RBFOX3: variants seen among roughly 807,000 people sequenced by gnomAD.
The protein encoded by RBFOX3 is RNA binding fox-1 homolog 3.
In RBFOX3, 17 loss-of-function variants were observed where a neutral mutation model predicts 48.7. The observed-to-expected ratio is 0.35, with a 90% CI of 0.24 to 0.52. The LOEUF (loss-of-function observed/expected upper bound fraction) is 0.52, where lower values mean the gene tolerates loss of function less well. RBFOX3 is among the 20% of genes least tolerant of loss of function. The probability of loss-of-function intolerance (pLI) is 0.94; values close to 1 mark genes in which losing one functional copy is unlikely to be tolerated. For synonymous variants in RBFOX3, 212 were observed against 209.5 expected (o/e 1.01, Z -0.10); for missense variants, 382 against 497.5 (o/e 0.77, Z 2.21).
At chr17:79,549,513 C>T (rs911965187) in intron 1 of RBFOX3, among the ~76,000 whole-genome samples, 1 of 152,216 alleles carries the variant, frequency 6.6e-6, no homozygotes. Flanking sequence ...GTTAGAGAAC[C>T]AAAAACATCT....
chr17:79,404,077 C>T (rs1021064721), intron 2 of RBFOX3, among the ~76,000 whole-genome samples: 1 of 152,188 alleles, frequency 6.6e-6, no homozygotes. Flanking sequence ...CACACCCGGC[C>T]CAGGATGTTC....
rs1335438511 is a variant in RBFOX3, at chr17:79,198,216, C to A, written c.-34+37550G>T. 6.6e-6 allele frequency among the ~76,000 whole-genome samples: 1 copy of A among 152,158 alleles called. No homozygotes were observed. The highest frequency in any genetic ancestry group is 1.5e-5 in the Non-Finnish European group (1 of 68,038). On this transcript the variant is annotated intron_variant, in intron 4 of 14. Coordinates refer to ENST00000693108, the MANE Select transcript of RBFOX3 (RefSeq NM_001350451.2). The surrounding 1 kb of genome is among the most constrained non-coding windows in gnomAD (Gnocchi z 8.2). ...GACCATCCTCAACACTGGACCAGACCAGAAGGGGAAATCATGGGTGACAAC... is the reference window on the plus strand; with the variant it reads ...GACCATCCTCAACACTGGACCAGACAAGAAGGGGAAATCATGGGTGACAAC...
intron 2 of RBFOX3, among the ~76,000 whole-genome samples, chr17:79,385,326 A>C (rs2060423943): frequency 6.6e-6 from 1 of 152,216 alleles, no homozygotes; most frequent in African/African-American, 2.4e-5. Flanking sequence ...GTCCACTACC[A>C]GCCATGGGAA....
chr17:79,467,129 C>T (rs1460943880), intron 2 of RBFOX3, among the ~76,000 whole-genome samples: 1 of 152,220 alleles, frequency 6.6e-6, no homozygotes, highest in African/African-American at 2.4e-5. Flanking sequence ...GGTGGCATCA[C>T]CTGCCAGGTC....
chr17:79,569,252 C>CA (rs1215263454), intron 1 of RBFOX3, among the ~76,000 whole-genome samples: 1 of 152,146 alleles, frequency 6.6e-6, no homozygotes, highest in Non-Finnish European at 1.5e-5. Context: ...CCACTCCCCC[C>CA]AAGCCCTGGC....
intron 4 of RBFOX3, among the ~76,000 whole-genome samples, chr17:79,208,079 G>A (rs140438121): frequency 5.7e-4 from 86 of 152,086 alleles, no homozygotes; most frequent in East Asian, 5.6e-3. Context: ...TTCTTCCTGC[G>A]TCTGGAGGGA....
chr17:79,303,851 C>CTCTGTGTGTGTG (rs1555657051), intron 3 of RBFOX3, among the ~76,000 whole-genome samples: 41 of 147,780 alleles, frequency 2.8e-4, no homozygotes, highest in African/African-American at 9.9e-4. Flanking sequence ...GCATGTCTGC[C>CTCTGTGTGTGTG]TGTGTGTGTG....
chr17:79,628,361 T>C, the RBFOX3 span, among the ~76,000 whole-genome samples: 15 of 152,138 alleles, frequency 9.9e-5, no homozygotes, highest in Non-Finnish European at 1.8e-4. Flanking sequence ...CTCCCCTGGA[T>C]TGTGGGACAC....
chr17:79,420,227 A>C (rs1347858333), intron 2 of RBFOX3, among the ~76,000 whole-genome samples: 1 of 152,014 alleles, frequency 6.6e-6, no homozygotes, highest in African/African-American at 2.4e-5. Flanking sequence ...TGTTTAAAAA[A>C]CACAAATTGG....
chr17:79,118,966 C>A (rs1795954), intron 4 of RBFOX3, among the ~76,000 whole-genome samples: 84,902 of 145,094 alleles, frequency 0.59, 25,267 homozygotes, highest in African/African-American at 0.7. Context: ...ACAGAGGAAA[C>A]CCCTGTCTCA....
intron 2 of RBFOX3, among the ~76,000 whole-genome samples, chr17:79,327,207 G>C (rs777957782): frequency 6.6e-6 from 1 of 152,068 alleles, no homozygotes; most frequent in Admixed American, 6.5e-5. Context: ...CCCTTCCCTC[G>C]AATCACTACC....
chr17:79,210,477 G>A (rs1232151859), intron 4 of RBFOX3, among the ~76,000 whole-genome samples: 1 of 152,188 alleles, frequency 6.6e-6, no homozygotes, highest in Non-Finnish European at 1.5e-5. Context: ...ATCCCATCGA[G>A]TGCCCGCCGC....
At chr17:79,623,843 G>C in the RBFOX3 span, among the ~76,000 whole-genome samples, 3 of 135,428 alleles carry the variant, frequency 2.2e-5, no homozygotes, top group Non-Finnish European at 4.5e-5. Context: ...AAAAAAAAAA[G>C]TGGAGGAGGC....
At chr17:79,240,609 G>A (rs1363775739) in intron 3 of RBFOX3, among the ~76,000 whole-genome samples, 1 of 152,196 alleles carries the variant, frequency 6.6e-6, no homozygotes, top group Non-Finnish European at 1.5e-5. Context: ...ATACCAAGAT[G>A]AGAGAAAGGA....
chr17:79,426,249 T>C (rs1167420198), intron 2 of RBFOX3, among the ~76,000 whole-genome samples: 5 of 152,074 alleles, frequency 3.3e-5, no homozygotes, highest in Admixed American at 2.6e-4. Context: ...GTCCCACTTG[T>C]CCCATGCAGG....
intron 4 of RBFOX3, among the ~76,000 whole-genome samples, chr17:79,168,899 G>C (rs1338749654): frequency 6.6e-6 from 1 of 152,224 alleles, no homozygotes; most frequent in Non-Finnish European, 1.5e-5. Context: ...GTAGGGCAGA[G>C]AGCCCACTTG....
intron 2 of RBFOX3, among the ~76,000 whole-genome samples, chr17:79,402,337 G>A (rs932407649): frequency 3.3e-5 from 5 of 152,210 alleles, no homozygotes; most frequent in African/African-American, 9.7e-5. Flanking sequence ...TTCTAACTGG[G>A]GAGAGACGCT....
chr17:79,323,506 T>A (rs1181593472), intron 2 of RBFOX3, among the ~76,000 whole-genome samples: 1 of 152,234 alleles, frequency 6.6e-6, no homozygotes, highest in Non-Finnish European at 1.5e-5. Flanking sequence ...TGGGTGATGA[T>A]AACGGTAGCA....
At chr17:79,511,375 G>A (rs2084175558) in intron 1 of RBFOX3, among the ~76,000 whole-genome samples, 1 of 152,174 alleles carries the variant, frequency 6.6e-6, no homozygotes, top group Non-Finnish European at 1.5e-5. Flanking sequence ...TCGGGGCTGG[G>A]GACACAAAGA....
Sources: gnomAD v4.1 joint callset for allele counts (sites outside exome capture counted in the v4.1 genomes callset) on GRCh38, gnomAD v4.1.1 for gene constraint, Gnocchi (gnomAD v3.1) non-coding constraint, MANE v1.5 for transcripts, NCBI Gene and HGNC (gene_info 2026-07-23, HGNC 2026-07-21) for gene names.